INPP4B: variants seen among roughly 807,000 people sequenced by gnomAD.
INPP4B encodes the protein inositol polyphosphate-4-phosphatase type II B.
Under a neutral mutation model 122.5 loss-of-function variants are expected in INPP4B, and 55 were observed. The observed-to-expected ratio is 0.45, with a 90% CI of 0.36 to 0.56. The LOEUF is 0.56. Ranked by LOEUF, INPP4B falls within the 20% of genes least tolerant of loss-of-function variation. The probability of loss-of-function intolerance (pLI) is 0.00; values close to 1 mark genes in which losing one functional copy is unlikely to be tolerated. For synonymous variants in INPP4B, 403 were observed against 388.7 expected (o/e 1.04, Z -0.43); for missense variants, 1,000 against 1,097.7 (o/e 0.91, Z 1.26).
chr4:142,203,288 G>A (rs896823677), intron 14 of INPP4B, among the ~76,000 whole-genome samples: 1 of 152,048 alleles, frequency 6.6e-6, no homozygotes, highest in African/African-American at 2.4e-5. Context: ...TAGTACTATA[G>A]ATTACAACAG....
At chr4:142,341,409 G>A (rs968510567) in intron 7 of INPP4B, among the ~76,000 whole-genome samples, 1 of 76,972 alleles carries the variant, frequency 1.3e-5, no homozygotes, top group Non-Finnish European at 2.6e-5. Flanking sequence ...AAATACAGTG[G>A]TTAATACATA....
In INPP4B at chr4:142,091,068, A is replaced by T. The variant is rs373547220; in HGVS notation, c.2375-4812T>A. Among the ~76,000 whole-genome samples, 7 of 152,272 alleles carry T rather than the reference A, an allele frequency of 4.6e-5. No individual in the cohort carries two copies. The East Asian group carries it at 7.7e-4, about 17-fold the overall frequency. On this transcript the variant is annotated intron_variant, in intron 23 of 25. Coordinates refer to ENST00000262992, the MANE Select transcript of INPP4B (RefSeq NM_001101669.3). ...GCAAAACATCAAATTCAGGATATTGATGTTCTCATAGGAGGGGAGGATTAA... is the reference window on the plus strand; with the variant it reads ...GCAAAACATCAAATTCAGGATATTGTTGTTCTCATAGGAGGGGAGGATTAA...
At chr4:142,138,844 G>A (rs181780582) in intron 18 of INPP4B, among the ~76,000 whole-genome samples, 19 of 152,224 alleles carry the variant, frequency 1.2e-4, no homozygotes, top group Admixed American at 5.2e-4. Flanking sequence ...TACCTCGTTT[G>A]GTCTCCAAAC....
intron 2 of INPP4B, among the ~76,000 whole-genome samples, chr4:142,717,362 A>C (rs1243858596): frequency 1.3e-5 from 2 of 152,190 alleles, no homozygotes; most frequent in South Asian, 2.1e-4. Flanking sequence ...TTATGTAAGA[A>C]TCTTTCTTTC....
chr4:142,450,213 G>C (rs1257937362), intron 3 of INPP4B, among the ~76,000 whole-genome samples: 1 of 152,178 alleles, frequency 6.6e-6, no homozygotes, highest in Non-Finnish European at 1.5e-5. Context: ...ACAGACCAAA[G>C]TACCTCTGGG....
intron 3 of INPP4B, among the ~76,000 whole-genome samples, chr4:142,454,922 C>T (rs1283258101): frequency 4.6e-5 from 7 of 151,956 alleles, no homozygotes; most frequent in Non-Finnish European, 8.8e-5. Context: ...ATAAGCTAAA[C>T]AGGAAAATTG....
At chr4:142,428,918 T>C (rs1317659999) in intron 5 of INPP4B, among the ~76,000 whole-genome samples, 1 of 151,978 alleles carries the variant, frequency 6.6e-6, no homozygotes, top group Non-Finnish European at 1.5e-5. Flanking sequence ...GACTGAGTGC[T>C]GGGCATGGAA....
At chr4:142,390,217 G>A (rs941362400) in intron 7 of INPP4B, among the ~76,000 whole-genome samples, 2 of 151,996 alleles carry the variant, frequency 1.3e-5, no homozygotes, top group African/African-American at 4.8e-5. Context: ...CTAATGCAAG[G>A]GTGAAATTTG....
intron 17 of INPP4B, among the ~76,000 whole-genome samples, chr4:142,152,061 C>CTTTT (rs1288715777): frequency 2.0e-5 from 2 of 98,956 alleles, no homozygotes; most frequent in African/African-American, 9.4e-5. Context: ...GCTTTTTTGT[C>CTTTT]TTTTCTTTTT....
chr4:142,545,709 G>GTGTGTATATGTGTGTATATACACATA lies in INPP4B; in HGVS notation c.-190-82984_-190-82983insTATGTGTATATACACACATATACACA, dbSNP rs372859019. On this transcript the variant is annotated intron_variant, in intron 2 of 25. Coordinates refer to ENST00000262992, the MANE Select transcript of INPP4B (RefSeq NM_001101669.3). ...CACACATATATATGTGTATATATAT[G>GTGTGTATATGTGTGTATATACACATA]TGTGTGTATATGTGTGTATATACAC... Among the ~76,000 whole-genome samples, 80 of 107,054 alleles carry GTGTGTATATGTGTGTATATACACATA rather than the reference G, an allele frequency of 7.5e-4. 1 individual carries two copies. The highest frequency in any genetic ancestry group is 5.3e-3 in the Middle Eastern group (1 of 190). The allele number at this position is 107,054 out of a possible 152,430, so 70.2% of individuals were successfully genotyped here. A position where few individuals can be genotyped will look rare whatever the true frequency, so the allele number is the denominator to read the frequency against.
At chr4:142,184,656 T>C (rs571851963) in intron 15 of INPP4B, among the ~76,000 whole-genome samples, 2 of 152,322 alleles carry the variant, frequency 1.3e-5, no homozygotes, top group South Asian at 4.1e-4. Flanking sequence ...TGTTTCATAT[T>C]CTCAGAGCAC....
At chr4:142,839,624 C>T (rs944632583) in intron 1 of INPP4B, among the ~76,000 whole-genome samples, 3 of 152,000 alleles carry the variant, frequency 2.0e-5, no homozygotes, top group Non-Finnish European at 4.4e-5. Flanking sequence ...TAAATAACTG[C>T]TTTGTAAGTG....
chr4:142,236,618 C>T (rs1222073993), intron 12 of INPP4B, among the ~76,000 whole-genome samples: 1 of 152,108 alleles, frequency 6.6e-6, no homozygotes, highest in African/African-American at 2.4e-5. Flanking sequence ...TCCCTAGATG[C>T]AGATTATATT....
intron 9 of INPP4B, among the ~76,000 whole-genome samples, chr4:142,294,829 CAAAA>C (rs57430432): frequency 1.2e-3 from 35 of 28,476 alleles, no homozygotes; most frequent in East Asian, 4.5e-3. Context: ...GACTCCGTCT[CAAAA>C]AAAAAAAAAA....
chr4:142,264,442 G>GA (rs1741799173), intron 10 of INPP4B, among the ~76,000 whole-genome samples: 1 of 151,944 alleles, frequency 6.6e-6, no homozygotes, highest in African/African-American at 2.4e-5. Context: ...TGCTAGTTTC[G>GA]AAAAAAGACA....
chr4:142,033,889 A>G (rs988602686), intron 25 of INPP4B, among the ~76,000 whole-genome samples: 1 of 151,284 alleles, frequency 6.6e-6, no homozygotes, highest in African/African-American at 2.4e-5. Flanking sequence ...CTTTTCTCGA[A>G]CTCCTAGGCT....
At chr4:142,487,904 T>C (rs1175750802) in intron 2 of INPP4B, among the ~76,000 whole-genome samples, 3 of 152,130 alleles carry the variant, frequency 2.0e-5, no homozygotes, top group Non-Finnish European at 2.9e-5. Flanking sequence ...TTGTGATGGC[T>C]TTTACTTCTT....
At position 142,430,892 on chromosome 4, in the gene INPP4B, C is replaced by A. The variant is rs140541546; in HGVS notation, c.91+277G>T. Among the ~76,000 whole-genome samples the A allele has an allele frequency of 4.0e-3, 603 of 152,104 alleles. 3 individuals are homozygous for A. Among genetic ancestry groups the A allele is most frequent in the African/African-American group, 0.013 (559 of 41,532 alleles). ...GTATACTTAAAAAGTATTCATTAGGCTCTTAATATATATTCAAGATATTTA... is the reference window on the plus strand; with the variant it reads ...GTATACTTAAAAAGTATTCATTAGGATCTTAATATATATTCAAGATATTTA... On this transcript the variant is annotated intron_variant, in intron 4 of 25. Transcript: ENST00000262992.
chr4:142,262,123 T>A (rs1740359544), intron 10 of INPP4B, among the ~76,000 whole-genome samples: 1 of 152,230 alleles, frequency 6.6e-6, no homozygotes, highest in Non-Finnish European at 1.5e-5. Context: ...TCTAATTCTT[T>A]TAGCATATAC....
Sources: gnomAD v4.1 joint callset for allele counts (sites outside exome capture counted in the v4.1 genomes callset) on GRCh38, gnomAD v4.1.1 for gene constraint, MANE v1.5 for transcripts, NCBI Gene and HGNC (gene_info 2026-07-23, HGNC 2026-07-21) for gene names.